Variants in CFAP61 observed in about 807,000 individuals in gnomAD.
CFAP61 encodes cilia- and flagella-associated protein 61.
Under a neutral mutation model 135.6 loss-of-function variants are expected in CFAP61, and 107 were observed. The ratio of observed to expected loss-of-function variants is 0.79; its 90% confidence interval spans 0.67 to 0.93. CFAP61 has a LOEUF of 0.93. Ranked by LOEUF, CFAP61 falls within the 40% of genes least tolerant of loss-of-function variation. The pLI is 0.00. For missense variants in CFAP61, 1,507 were observed against 1,556.2 expected (o/e 0.97, Z 0.53); for synonymous variants, 575 against 578.5 (o/e 0.99, Z 0.09).
At chr20:20,351,363 C>G (rs2058826740) in intron 26 of CFAP61, among the ~76,000 whole-genome samples, 1 of 151,912 alleles carries the variant, frequency 6.6e-6, no homozygotes, top group African/African-American at 2.4e-5. Context: ...GGCAGATCAC[C>G]TGAGGTCGGG....
chr20:20,320,455 TATATGTA>T (rs2057429905), intron 25 of CFAP61, among the ~76,000 whole-genome samples: 1 of 8,706 alleles, frequency 1.1e-4, no homozygotes, highest in African/African-American at 2.2e-4. Flanking sequence ...ATATATATTA[TATATGTA>T]ATATATAATA....
At chr20:20,324,928 T>A (rs1195095703) in intron 25 of CFAP61, among the ~76,000 whole-genome samples, 1 of 152,252 alleles carries the variant, frequency 6.6e-6, no homozygotes, top group Non-Finnish European at 1.5e-5. Flanking sequence ...ATTTATTATA[T>A]TTAAAGACTA....
intron 1 of CFAP61, among the ~76,000 whole-genome samples, chr20:20,054,154 C>T (rs1049249983): frequency 3.4e-5 from 5 of 149,024 alleles, no homozygotes; most frequent in Non-Finnish European, 7.4e-5. Context: ...TGATTTTATT[C>T]TTCTCAGAAT....
intron 2 of CFAP61, among the ~76,000 whole-genome samples, chr20:20,062,681 G>A (rs1333020216): frequency 2.6e-5 from 4 of 152,146 alleles, no homozygotes; most frequent in African/African-American, 9.7e-5. Flanking sequence ...TGTTGCTGAG[G>A]TTAAGCAGGT....
intron 7 of CFAP61, among the ~76,000 whole-genome samples, chr20:20,091,251 G>A (rs1201139055): frequency 6.6e-6 from 1 of 152,220 alleles, no homozygotes; most frequent in Non-Finnish European, 1.5e-5. Flanking sequence ...CCCCCCAGGG[G>A]TGCGTAGGGG....
rs113150957 is a variant in CFAP61, at chr20:20,358,033, C to T, written c.3514-2177C>T. Among the ~76,000 whole-genome samples the T allele has an allele frequency of 6.6e-3, 285 of 43,102 alleles. No homozygotes were observed. In the Middle Eastern group the frequency reaches 0.1, roughly 15 times the overall value. The allele number at this position is 43,102 out of a possible 152,430, so 28.3% of individuals were successfully genotyped here. ...CACAGTGTGAGGGGAGGTGGTCACA[C>T]TGAGGAGAGGTGGTCATAGTGTGAG... On this transcript the variant is annotated intron_variant, in intron 26 of 26. Coordinates refer to ENST00000245957, the MANE Select transcript of CFAP61 (RefSeq NM_015585.4).
At chr20:20,351,228 C>A (rs114410063) in intron 26 of CFAP61, among the ~76,000 whole-genome samples, 1 of 151,900 alleles carries the variant, frequency 6.6e-6, no homozygotes, top group African/African-American at 2.4e-5. Context: ...CACCAAAAAA[C>A]TTTTGGAACT....
At chr20:20,226,674 C>T (rs182599652) in intron 17 of CFAP61, among the ~76,000 whole-genome samples, 314 of 152,300 alleles carry the variant, frequency 2.1e-3, no homozygotes, top group African/African-American at 7.3e-3. Flanking sequence ...TCAGGTTTCA[C>T]GTTTACACCA....
At chr20:20,281,811 C>T (rs528876248) in intron 22 of CFAP61, among the ~76,000 whole-genome samples, 2 of 152,168 alleles carry the variant, frequency 1.3e-5, no homozygotes, top group Admixed American at 1.3e-4. Flanking sequence ...TGTTTATTTT[C>T]TGAAAAAGTT....
intron 19 of CFAP61, among the ~76,000 whole-genome samples, chr20:20,248,759 G>A (rs995986387): frequency 1.3e-5 from 2 of 152,202 alleles, no homozygotes; most frequent in Non-Finnish European, 2.9e-5. Flanking sequence ...GTGGCCCCCA[G>A]AGCTTGCTTC....
intron 20 of CFAP61, among the ~76,000 whole-genome samples, chr20:20,261,872 T>C (rs545174803): frequency 2.0e-5 from 3 of 152,224 alleles, no homozygotes; most frequent in East Asian, 3.9e-4. Flanking sequence ...TCATCCGTTA[T>C]TGTGTTTTTA....
At position 20,121,167 on chromosome 20, in the gene CFAP61, C is replaced by T. The variant is rs574480016; in HGVS notation, c.860-21690C>T. ...TGTCACCCAGGCTGGAGTGCGGTGGCACCATCTCGGCTCAGTGTAGCTCGA... is the reference window on the plus strand; with the variant it reads ...TGTCACCCAGGCTGGAGTGCGGTGGTACCATCTCGGCTCAGTGTAGCTCGA... On this transcript the variant is annotated intron_variant, in intron 8 of 26. Transcript: ENST00000245957. 5.1e-3 allele frequency among the ~76,000 whole-genome samples: 709 copies of T among 138,926 alleles called. 4 individuals are homozygous for T. Among genetic ancestry groups the T allele is most frequent in the African/African-American group, 0.018 (678 of 37,086 alleles). The allele number at this position is 138,926 out of a possible 152,430, so 91.1% of individuals were successfully genotyped here.
intron 25 of CFAP61, among the ~76,000 whole-genome samples, chr20:20,302,648 T>C (rs772124929): frequency 1.3e-5 from 2 of 152,060 alleles, no homozygotes; most frequent in African/African-American, 2.4e-5. Context: ...GGCGACAGAG[T>C]GAGACTGTGT....
chr20:20,180,116 T>C (rs1265017718), intron 13 of CFAP61, among the ~76,000 whole-genome samples: 1 of 152,168 alleles, frequency 6.6e-6, no homozygotes. Flanking sequence ...TTGCAAACTA[T>C]GCATCTGACA....
intron 25 of CFAP61, among the ~76,000 whole-genome samples, chr20:20,334,157 C>T (rs566218120): frequency 6.6e-6 from 1 of 152,220 alleles, no homozygotes; most frequent in Non-Finnish European, 1.5e-5. Flanking sequence ...GACAAAGTCT[C>T]GCTCTGTCGC....
At chr20:20,251,169 G>A (rs1279916689) in intron 19 of CFAP61, among the ~76,000 whole-genome samples, 1 of 152,160 alleles carries the variant, frequency 6.6e-6, no homozygotes, top group African/African-American at 2.4e-5. Flanking sequence ...TCTGACCCCT[G>A]GCTTTGGGAA....
intron 10 of CFAP61, 109 bp from the exon 11 acceptor site, chr20:20,163,941 C>A: frequency 1.2e-6 from 1 of 835,924 alleles, no homozygotes; most frequent in Non-Finnish European, 1.8e-6. Flanking sequence ...GGGTGACAGT[C>A]ACACCTGTCC....
intron 6 of CFAP61, among the ~76,000 whole-genome samples, chr20:20,078,276 A>G (rs1014173374): frequency 6.6e-6 from 1 of 152,186 alleles, no homozygotes; most frequent in African/African-American, 2.4e-5. Flanking sequence ...CTTGGCTGAG[A>G]GGAGGAGTCC....
At chr20:20,069,766 C>T in intron 2 of CFAP61, 1 of 456,376 alleles carries the variant, frequency 2.2e-6, no homozygotes, top group Non-Finnish European at 4.4e-6. Context: ...CTTGTCTGCA[C>T]TGACAGTGTA....
Sources: gnomAD v4.1 joint callset for allele counts (sites outside exome capture counted in the v4.1 genomes callset) on GRCh38, gnomAD v4.1.1 for gene constraint, MANE v1.5 for transcripts, NCBI Gene and HGNC (gene_info 2026-07-23, HGNC 2026-07-21) for gene names.